NLGN4X: variants seen among roughly 807,000 people sequenced by gnomAD.
The protein encoded by NLGN4X is neuroligin 4 X-linked, also known as neuroligin-4, X-linked.
NLGN4X carries 3 observed loss-of-function variants against 40.3 expected under a neutral mutation model. That is an observed-to-expected ratio of 0.07 (90% CI 0.03 to 0.19). The LOEUF (loss-of-function observed/expected upper bound fraction) is 0.19, where lower values mean the gene tolerates loss of function less well. NLGN4X is among the 10% of genes least tolerant of loss of function. NLGN4X has a pLI of 1.00. For synonymous variants in NLGN4X, 270 were observed against 306.8 expected (o/e 0.88, Z 1.25); for missense variants, 382 against 708.3 (o/e 0.54, Z 5.23).
chrX:6,000,441 C>T (rs1014109229), intron 3 of NLGN4X, among the ~76,000 whole-genome samples: 4 of 111,550 alleles, frequency 3.6e-5, no homozygotes, highest in Admixed American at 9.5e-5. Flanking sequence ...TTCTCAGTTA[C>T]TCACAAAAGA....
At chrX:6,173,014 C>G (rs2040641734) in intron 1 of NLGN4X, among the ~76,000 whole-genome samples, 1 of 112,265 alleles carries the variant, frequency 8.9e-6, no homozygotes, top group South Asian at 3.7e-4. Context: ...CTACTCCACT[C>G]TCTGATGTCT....
At chrX:5,945,109 G>A (rs2034079732) in intron 3 of NLGN4X, among the ~76,000 whole-genome samples, 1 of 111,690 alleles carries the variant, frequency 9.0e-6, no homozygotes, top group African/African-American at 3.3e-5. Context: ...TAACCACTGG[G>A]GATCTCTTTT....
chrX:5,912,691 C>T (rs555025125), intron 3 of NLGN4X, among the ~76,000 whole-genome samples: 6 of 107,519 alleles, frequency 5.6e-5, no homozygotes, highest in Admixed American at 1.0e-4. Flanking sequence ...TTTCCCAAGT[C>T]GCCTGATCTG....
intron 3 of NLGN4X, among the ~76,000 whole-genome samples, chrX:5,927,259 A>G (rs551232523): frequency 1.4e-3 from 161 of 111,765 alleles, no homozygotes; most frequent in African/African-American, 5.1e-3. Context: ...AAGGTGTTTT[A>G]TGGCCTTGGA....
At chrX:5,969,610 G>T (rs1392223691) in intron 3 of NLGN4X, among the ~76,000 whole-genome samples, 1 of 111,440 alleles carries the variant, frequency 9.0e-6, no homozygotes, top group Admixed American at 9.6e-5. Context: ...GTGGAAGTCA[G>T]TGTGGCGATT....
intron 1 of NLGN4X, among the ~76,000 whole-genome samples, chrX:6,163,010 G>C (rs897733712): frequency 1.8e-5 from 2 of 111,250 alleles, no homozygotes; most frequent in Non-Finnish European, 3.8e-5. Flanking sequence ...TACTGTTCTC[G>C]TGATAGTAAG....
chrX:6,009,420 A>C (rs930777911), intron 3 of NLGN4X, among the ~76,000 whole-genome samples: 5 of 112,081 alleles, frequency 4.5e-5, no homozygotes, highest in Non-Finnish European at 9.4e-5. Context: ...CATCTCCATT[A>C]CAACTTCTTA....
chrX:6,064,100 T>C (rs1449623977), intron 2 of NLGN4X, among the ~76,000 whole-genome samples: 1 of 111,964 alleles, frequency 8.9e-6, no homozygotes, highest in Non-Finnish European at 1.9e-5. Flanking sequence ...ATGTATTCTC[T>C]GGTCTGCTAA....
chrX:6,141,795 G>A (rs2039952921), intron 2 of NLGN4X, among the ~76,000 whole-genome samples: 1 of 110,290 alleles, frequency 9.1e-6, no homozygotes, highest in African/African-American at 3.3e-5. Context: ...CTCCAGCCTG[G>A]GTGACAGAGC....
intron 1 of NLGN4X, among the ~76,000 whole-genome samples, chrX:6,210,757 G>A (rs372824459): frequency 1.4e-4 from 16 of 112,396 alleles, no homozygotes; most frequent in African/African-American, 4.8e-4. Flanking sequence ...TAAAAAGATA[G>A]GGAAGCTATA....
chrX:5,922,441 C>T (rs771303234), intron 3 of NLGN4X, among the ~76,000 whole-genome samples: 182 of 112,060 alleles, frequency 1.6e-3, no homozygotes, highest in African/African-American at 5.0e-3. Flanking sequence ...TGTATTGGAA[C>T]ATCAGTATGC....
intron 1 of NLGN4X, among the ~76,000 whole-genome samples, chrX:6,197,445 A>ATTTTTTTTTTTTTTTTTTTTT (rs1430016429): frequency 2.3e-5 from 2 of 86,705 alleles, no homozygotes; most frequent in Non-Finnish European, 4.6e-5. Flanking sequence ...TTTTTTTTGT[A>ATTTTTTTTTTTTTTTTTTTTT]TTTTTTATAG....
chrX:6,125,107 T>C (rs139380902), intron 2 of NLGN4X, among the ~76,000 whole-genome samples: 478 of 112,398 alleles, frequency 4.3e-3, no homozygotes, highest in Non-Finnish European at 6.7e-3. Flanking sequence ...AAATGTCACA[T>C]GTGAAAATTT....
chrX:5,987,939 T>A (rs996117893), intron 3 of NLGN4X, among the ~76,000 whole-genome samples: 2 of 111,510 alleles, frequency 1.8e-5, no homozygotes, highest in African/African-American at 6.5e-5. Flanking sequence ...TAGCTTGGTA[T>A]GGTGGTGCCT....
chrX:6,020,888 T>C (rs1449640227), intron 3 of NLGN4X, among the ~76,000 whole-genome samples: 1 of 110,592 alleles, frequency 9.0e-6, no homozygotes, highest in Non-Finnish European at 1.9e-5. Context: ...CACAGCACAC[T>C]GCAGCCTCGA....
intron 1 of NLGN4X, among the ~76,000 whole-genome samples, chrX:6,154,947 T>C (rs980625212): frequency 8.9e-5 from 10 of 111,874 alleles, no homozygotes; most frequent in African/African-American, 3.2e-4. Flanking sequence ...AATAAATTTC[T>C]CCCCAAAGTA....
chrX:6,050,555 T>C lies in NLGN4X; in HGVS notation c.473-21123A>G, dbSNP rs762701331. Among the ~76,000 whole-genome samples, 7 of 111,864 alleles carry C rather than the reference T, an allele frequency of 6.3e-5. No homozygotes were observed. The East Asian group carries it at 8.4e-4, about 13-fold the overall frequency. On this transcript the variant is annotated intron_variant, in intron 2 of 5. Coordinates refer to ENST00000381095, the MANE Select transcript of NLGN4X (RefSeq NM_181332.3). Reference sequence around the variant, plus strand: ...TATCATCTATCCATGTATCCATATCTGTCTATGCATCTATGTATCTATCTG... The same window carrying C: ...TATCATCTATCCATGTATCCATATCCGTCTATGCATCTATGTATCTATCTG...
intron 3 of NLGN4X, among the ~76,000 whole-genome samples, chrX:6,020,234 G>T (rs1279835877): frequency 9.0e-6 from 1 of 111,484 alleles, no homozygotes; most frequent in East Asian, 2.8e-4. Flanking sequence ...AAAGAAAATG[G>T]GGTTTATACA....
At chrX:5,929,141 AG>A (rs2033443391) in intron 3 of NLGN4X, among the ~76,000 whole-genome samples, 3 of 112,057 alleles carry the variant, frequency 2.7e-5, no homozygotes, top group Non-Finnish European at 3.8e-5. Context: ...ATTTTTAAAT[AG>A]ACTTTGCTAA....
Sources: allele counts gnomAD v4.1 joint callset (sites outside exome capture counted in the v4.1 genomes callset), GRCh38; gene constraint gnomAD v4.1.1; transcripts MANE v1.5; gene names NCBI Gene and HGNC (gene_info 2026-07-23, HGNC 2026-07-21).